Variants in FHIT observed in about 807,000 individuals in gnomAD.
The protein encoded by FHIT is fragile histidine triad diadenosine triphosphatase.
In FHIT, 19 loss-of-function variants were observed where a neutral mutation model predicts 17.9. The ratio of observed to expected loss-of-function variants is 1.06; its 90% CI spans 0.74 to 1.56. FHIT has a LOEUF of 1.56. FHIT is among the 40% of genes most tolerant of loss of function. The probability of loss-of-function intolerance (pLI) is 0.00; values close to 1 mark genes in which losing one functional copy is unlikely to be tolerated. For missense variants in FHIT, 248 were observed against 189.2 expected (o/e 1.31, Z -1.82); for synonymous variants, 81 against 69.7 (o/e 1.16, Z -0.81).
At chr3:60,048,599 C>T (rs1423918643) in intron 5 of FHIT, among the ~76,000 whole-genome samples, 3 of 152,192 alleles carry the variant, frequency 2.0e-5, no homozygotes, top group Non-Finnish European at 4.4e-5. Flanking sequence ...GGTGTGTTAA[C>T]GTTCTACAAA....
chr3:60,334,034 T>C (rs1404668485), intron 5 of FHIT, among the ~76,000 whole-genome samples: 1 of 152,186 alleles, frequency 6.6e-6, no homozygotes, highest in Admixed American at 6.5e-5. Flanking sequence ...TGACACTGAC[T>C]TCCCATCTCC....
chr3:60,739,981 T>G (rs983803893), intron 4 of FHIT, among the ~76,000 whole-genome samples: 1 of 152,146 alleles, frequency 6.6e-6, no homozygotes, highest in African/African-American at 2.4e-5. Context: ...AAAAGAGAAA[T>G]GTTCAGGTAA....
intron 3 of FHIT, among the ~76,000 whole-genome samples, chr3:60,993,538 A>G (rs1484325633): frequency 6.6e-6 from 1 of 152,204 alleles, no homozygotes; most frequent in Non-Finnish European, 1.5e-5. Context: ...ATTTAGACTT[A>G]TGATCTCACC....
intron 7 of FHIT, among the ~76,000 whole-genome samples, chr3:59,971,659 G>T (rs17061573): frequency 3.9e-5 from 6 of 152,096 alleles, no homozygotes; most frequent in African/African-American, 1.4e-4. Flanking sequence ...GGGAGAAAAG[G>T]GTCTTGGAAG....
At chr3:61,177,782 T>A (rs74395133) in intron 2 of FHIT, among the ~76,000 whole-genome samples, 2 of 152,072 alleles carry the variant, frequency 1.3e-5, no homozygotes, top group African/African-American at 4.8e-5. Flanking sequence ...AGAAAACAGA[T>A]CAGCAGCCCC....
intron 8 of FHIT, among the ~76,000 whole-genome samples, chr3:59,865,540 G>A (rs181758608): frequency 4.2e-4 from 64 of 152,352 alleles, no homozygotes; most frequent in Middle Eastern, 3.4e-3. Context: ...TGGAGCCAGG[G>A]CCTGGGATAT....
chr3:60,555,068 T>C (rs527640937), intron 4 of FHIT, among the ~76,000 whole-genome samples: 4 of 152,342 alleles, frequency 2.6e-5, no homozygotes, highest in Admixed American at 1.3e-4. Flanking sequence ...TGGTACAACC[T>C]TGTAAGAGAA....
At chr3:60,716,405 T>A (rs2041684554) in intron 4 of FHIT, among the ~76,000 whole-genome samples, 1 of 152,262 alleles carries the variant, frequency 6.6e-6, no homozygotes, top group South Asian at 2.1e-4. Context: ...TTTTTAAACT[T>A]TTTTTTGTTA....
At chr3:60,006,391 C>T (rs1370572405) in intron 7 of FHIT, among the ~76,000 whole-genome samples, 1 of 152,112 alleles carries the variant, frequency 6.6e-6, no homozygotes, top group Admixed American at 6.5e-5. Context: ...CAAACCATCT[C>T]AATGCTAGTT....
At chr3:59,928,232 G>A (rs1705771579) in intron 7 of FHIT, among the ~76,000 whole-genome samples, 1 of 152,206 alleles carries the variant, frequency 6.6e-6, no homozygotes, top group African/African-American at 2.4e-5. Context: ...AGTTATCCAT[G>A]ACCTAATCCC....
chr3:59,892,280 C>T (rs1322528153), intron 8 of FHIT, among the ~76,000 whole-genome samples: 1 of 152,204 alleles, frequency 6.6e-6, no homozygotes, highest in Non-Finnish European at 1.5e-5. Flanking sequence ...GCTCAGGAGT[C>T]CAGTTCCCAG....
At chr3:59,884,469 A>C (rs1703536184) in intron 8 of FHIT, among the ~76,000 whole-genome samples, 1 of 152,100 alleles carries the variant, frequency 6.6e-6, no homozygotes, top group Non-Finnish European at 1.5e-5. Context: ...CTCAGCAAAA[A>C]CTGACCACTC....
intron 3 of FHIT, among the ~76,000 whole-genome samples, chr3:60,897,598 C>A (rs1419108738): frequency 6.6e-6 from 1 of 152,014 alleles, no homozygotes; most frequent in African/African-American, 2.4e-5. Context: ...TTTAAGTATC[C>A]CTCATTACAC....
In FHIT at chr3:59,927,631, T is replaced by TAATCCCA. The variant is rs1277849718; in HGVS notation, c.280-5218_280-5217insTGGGATT. On this transcript the variant is annotated intron_variant, in intron 7 of 9. Transcript: ENST00000492590. ...AAATACACAAAAAGTTAGCCAGGCGTGGTGGCACATGCCTGTAATCCCAGG... is the reference window on the plus strand; with the variant it reads ...AAATACACAAAAAGTTAGCCAGGCGTAATCCCAGGTGGCACATGCCTGTAATCCCAGG... 1.7e-3 allele frequency among the ~76,000 whole-genome samples: 265 copies of TAATCCCA among 152,026 alleles called. No individual in the cohort carries two copies. The East Asian group carries it at 0.018, about 11-fold the overall frequency.
chr3:59,965,425 T>A (rs1011195264), intron 7 of FHIT, among the ~76,000 whole-genome samples: 1 of 152,166 alleles, frequency 6.6e-6, no homozygotes, highest in Non-Finnish European at 1.5e-5. Context: ...TAAGAAAATA[T>A]TATTTAAGAG....
At chr3:60,916,018 A>C (rs1349031) in intron 3 of FHIT, among the ~76,000 whole-genome samples, 90,792 of 151,950 alleles carry the variant, frequency 0.6, 27,386 homozygotes, top group East Asian at 0.73. Flanking sequence ...CATGACTACA[A>C]ATAATGGCAT....
At chr3:61,239,063 G>A (rs150402955) in intron 1 of FHIT, among the ~76,000 whole-genome samples, 1 of 152,252 alleles carries the variant, frequency 6.6e-6, no homozygotes, top group Non-Finnish European at 1.5e-5. Context: ...AGGCATTAGG[G>A]AAGCATCAGC....
intron 4 of FHIT, chr3:60,537,501 T>C (rs1030501723): frequency 1.5e-5 from 15 of 977,102 alleles, no homozygotes; most frequent in African/African-American, 1.8e-5. Context: ...CAGAGAACTA[T>C]TCTAGTAAAA....
intron 7 of FHIT, among the ~76,000 whole-genome samples, chr3:59,941,214 T>C (rs201399442): frequency 1.3e-3 from 191 of 152,300 alleles, no homozygotes; most frequent in African/African-American, 4.4e-3. Flanking sequence ...GTGTATGCAA[T>C]AGTGTATGCT....
Sources: allele counts gnomAD v4.1 joint callset (sites outside exome capture counted in the v4.1 genomes callset), GRCh38; gene constraint gnomAD v4.1.1; transcripts MANE v1.5; gene names NCBI Gene and HGNC (gene_info 2026-07-23, HGNC 2026-07-21).